Variants in IGF2R observed in about 807,000 individuals in gnomAD.
IGF2R encodes cation-independent mannose-6-phosphate receptor.
In IGF2R, 91 loss-of-function variants were observed where a neutral mutation model predicts 270.6. The observed-to-expected ratio is 0.34, with a 90% confidence interval of 0.28 to 0.40. IGF2R has a LOEUF of 0.40. Ranked by LOEUF, IGF2R falls within the 10% of genes least tolerant of loss-of-function variation. The pLI, the probability that IGF2R is intolerant of heterozygous loss-of-function variation, is 1.00. For synonymous variants in IGF2R, 1,316 were observed against 1,258.9 expected, an observed-to-expected ratio of 1.05 and a Z score of -0.96; for missense variants, 2,805 against 3,188.3, an observed-to-expected ratio of 0.88 and a Z score of 2.90.
chr6:159,988,490 G>T (rs1248427555), intron 1 of IGF2R, among the ~76,000 whole-genome samples: 1 of 144,104 alleles, frequency 6.9e-6, no homozygotes, highest in East Asian at 2.0e-4. Context: ...TCCAGCCTGG[G>T]CGACAGAGTG....
At chr6:160,073,705 G>A in intron 34 of IGF2R, 52 bp from the exon 35 acceptor site, 6 of 1,471,604 alleles carry the variant, frequency 4.1e-6, no homozygotes, top group Non-Finnish European at 5.7e-6. Context: ...TGACCTAGTG[G>A]TGATTAGGAA....
intron 1 of IGF2R, among the ~76,000 whole-genome samples, chr6:159,969,939 A>G (rs115657196): frequency 0.071 from 10,660 of 149,622 alleles, 396 homozygotes; most frequent in South Asian, 0.099. Context: ...CTCTTTAAAG[A>G]ATATATATAT....
intron 11 of IGF2R, among the ~76,000 whole-genome samples, chr6:160,041,468 C>T (rs555655958): frequency 1.3e-5 from 2 of 152,192 alleles, no homozygotes; most frequent in South Asian, 4.2e-4. Flanking sequence ...CAGCACACAC[C>T]ATGGCCTGTT....
chr6:160,098,066 A>T (rs1583306382), intron 45 of IGF2R, among the ~76,000 whole-genome samples: 1 of 152,078 alleles, frequency 6.6e-6, no homozygotes, highest in Non-Finnish European at 1.5e-5. Flanking sequence ...AAAAGATAAA[A>T]CCCAGAAGTG....
rs778629052 is a variant in IGF2R at position 160,073,085 on chromosome 6, C to T, written c.4691-128C>T. ...TTCAATGTAAAACAATGGTTAAAGC[C>T]GGATTGGACACTTGAAGTTATAAGT... On this transcript the variant is annotated intron_variant, in intron 33 of 47. Transcript: ENST00000356956. The T allele has an allele frequency of 4.8e-5, 67 of 1,403,936 alleles. No homozygotes were observed. The African/African-American group carries it at 7.0e-4, about 15-fold the overall frequency. The allele number at this position is 1,403,936 out of a possible 1,614,324, so 87.0% of individuals were successfully genotyped here.
Position 160,047,202 on chromosome 6 carries a change from T to C in IGF2R, c.2095T>C (p.Ser699Pro), listed in dbSNP as rs1212162904. The C allele has an allele frequency of 6.2e-7, 1 of 1,614,172 alleles. No individual in the cohort carries two copies. The highest frequency in any genetic ancestry group is 1.7e-5 in the Admixed American group (1 of 60,034). ...CTTGGGTCTGAGTAATGCGAAGCTT[T>C]CATATTATGATGGGATGATCCAACT... ...WNLGLSNAKL[S>P]YYDGMIQLNY... Residue 699 changes from serine to proline, a missense_variant, in exon 16 of 48, where the codon TCA (serine) becomes CCA (proline). Physicochemically the swap from Ser to Pro is moderately conservative, Grantham distance 74 (BLOSUM62 -1). Coordinates refer to ENST00000356956, the MANE Select transcript of IGF2R (RefSeq NM_000876.4).
intron 42 of IGF2R, among the ~76,000 whole-genome samples, chr6:160,088,509 A>G (rs996601367): frequency 6.6e-6 from 1 of 152,150 alleles, no homozygotes; most frequent in African/African-American, 2.4e-5. Context: ...AGCAGCTGGG[A>G]CCTGCATCTG....
intron 35 of IGF2R, among the ~76,000 whole-genome samples, chr6:160,075,381 C>T (rs1289244260): frequency 6.6e-6 from 1 of 152,188 alleles, no homozygotes; most frequent in Non-Finnish European, 1.5e-5. Context: ...TACTGCTGGG[C>T]CACGTCAGTG....
At position 160,050,138 on chromosome 6, in the gene IGF2R, A is replaced by G. The variant is rs934026200; in HGVS notation, c.2515-335A>G. On this transcript the variant is annotated intron_variant, in intron 18 of 47. Transcript: ENST00000356956. This position sits in a 1 kb window ranked among gnomAD's most constrained non-coding sequence, Gnocchi z 4.0. ...GATCTGAAGAACATCTTACACGATT[A>G]TTGAACGAAAGCCTTATGATTCCAA... Among the ~76,000 whole-genome samples, 5 of 152,240 alleles carry G rather than the reference A, an allele frequency of 3.3e-5. No homozygotes were observed. Among genetic ancestry groups the G allele is most frequent in the African/African-American group, 1.2e-4 (5 of 41,460 alleles).
intron 44 of IGF2R, among the ~76,000 whole-genome samples, chr6:160,091,928 A>C (rs1391224089): frequency 6.6e-6 from 1 of 152,204 alleles, no homozygotes; most frequent in Non-Finnish European, 1.5e-5. Context: ...CTCAGCCATC[A>C]GGTTATTCAC....
In IGF2R at chr6:159,969,285, C is replaced by T. The variant is rs1237737014; in HGVS notation, c.39C>T (p.Pro13=). The change falls in exon 1 of 48, where the codon CCC becomes CCT. Residue 13 remains proline, a synonymous_variant. Coordinates refer to ENST00000356956, the MANE Select transcript of IGF2R (RefSeq NM_000876.4). ...CCGGCCGGAGCCCCCACCTGGGGCC[C>T]GCGCCCGCCCGCCGCCCGCAGCGCT... ...AAAGRSPHLG[P]APARRPQRSL... is the part of the protein sequence containing the mutation. 1.3e-5 allele frequency: 15 copies of T among 1,185,938 alleles called. No homozygotes were observed. Among genetic ancestry groups the T allele is most frequent in the Non-Finnish European group, 1.4e-5 (13 of 960,008 alleles). The allele number at this position is 1,185,938 out of a possible 1,614,324, so 73.5% of individuals were successfully genotyped here. A position where few individuals can be genotyped will look rare whatever the true frequency, so the allele number is the denominator to read the frequency against.
intron 1 of IGF2R, among the ~76,000 whole-genome samples, chr6:159,974,137 C>G (rs1366348582): frequency 6.6e-6 from 1 of 152,188 alleles, no homozygotes; most frequent in Non-Finnish European, 1.5e-5. Flanking sequence ...AGTTCTATAT[C>G]CTTGTCAACA....
rs766367279 is a variant in IGF2R at position 160,032,505 on chromosome 6, G to A, written c.883-46G>A. On this transcript the variant is annotated intron_variant, in intron 7 of 47. Transcript: ENST00000356956. ...AAGTGTGGAAAATCTGCATTAAGCT[G>A]CATGAAACATTTTTTATTTTGCTTC... 3 of 1,559,484 alleles carry A rather than the reference G, an allele frequency of 1.9e-6. No individual in the cohort carries two copies. In the South Asian group the frequency reaches 3.4e-5, roughly 18 times the overall value.
Position 160,056,545 on chromosome 6 carries a change from G to C in IGF2R, c.2796+20G>C. The C allele has an allele frequency of 6.6e-7, 1 of 1,526,478 alleles. No homozygotes were observed. The highest frequency in any genetic ancestry group is 9.1e-7 in the Non-Finnish European group (1 of 1,100,506). The allele number at this position is 1,526,478 out of a possible 1,614,324, so 94.6% of individuals were successfully genotyped here. On this transcript the variant is annotated intron_variant, in intron 20 of 47. Coordinates refer to ENST00000356956, the MANE Select transcript of IGF2R (RefSeq NM_000876.4). ...GACCAGGTACGTGTGCTTTCACCTG[G>C]CCCTCGTGCTGAGCTGCCTGCTGGA... is the stretch of plus-strand genomic sequence containing the variant.
rs1184581756 is a variant in IGF2R, at chr6:160,041,833, G to A, written c.1480+1109G>A. 2.0e-5 allele frequency among the ~76,000 whole-genome samples: 3 copies of A among 152,208 alleles called. No individual in the cohort carries two copies. In the South Asian group the frequency reaches 6.2e-4, roughly 31 times the overall value. ...ATTCTGGCACATGTGTGCTAGTGAA[G>A]ACATTGGTTTTCTGTGAAGTGGAAA... On this transcript the variant is annotated intron_variant, in intron 11 of 47. Coordinates refer to ENST00000356956, the MANE Select transcript of IGF2R (RefSeq NM_000876.4).
chr6:159,985,852 C>T (rs1447003059), intron 1 of IGF2R, among the ~76,000 whole-genome samples: 1 of 152,100 alleles, frequency 6.6e-6, no homozygotes, highest in Non-Finnish European at 1.5e-5. Context: ...TGAAAAATGA[C>T]ATAGAATAGC....
chr6:160,078,501 C>CT (rs1324373902), intron 37 of IGF2R, 139 bp downstream of exon 37: 5 of 775,048 alleles, frequency 6.5e-6, no homozygotes, highest in Non-Finnish European at 1.0e-5. Context: ...TCTTGGTGCT[C>CT]TCGTAGGGCA....
chr6:160,104,973 G>A lies in IGF2R; in HGVS notation c.7365G>A (p.Arg2455=), dbSNP rs760709804. The A allele has an allele frequency of 1.2e-6, 2 of 1,614,084 alleles. No homozygotes were observed. Among genetic ancestry groups the A allele is most frequent in the Non-Finnish European group, 1.7e-6 (2 of 1,180,022 alleles). ...AGGACGATAGGGTGGGGCTGGTCAG[G>A]GGTGAGAAGGCGAGGAAAGGGAAGT... ...EREDDRVGLV[R]GEKARKGKSS... Residue 2455 remains arginine, a synonymous_variant, in exon 48 of 48, where the codon AGG becomes AGA. Transcript: ENST00000356956.
At chr6:160,073,576 CCACTCCTGAT>C in intron 34 of IGF2R, 107 bp downstream of exon 34, 1 of 1,328,188 alleles carries the variant, frequency 7.5e-7, no homozygotes, top group Non-Finnish European at 1.0e-6. Context: ...GCTGAACTGT[CCACTCCTGAT>C]CACCCCAATA....
Sources: allele counts gnomAD v4.1 joint callset (sites outside exome capture counted in the v4.1 genomes callset), GRCh38; gene constraint gnomAD v4.1.1; non-coding constraint Gnocchi (gnomAD v3.1); transcripts MANE v1.5; gene names NCBI Gene and HGNC (gene_info 2026-07-23, HGNC 2026-07-21).